PRR16: variants seen among roughly 807,000 people sequenced by gnomAD.
The protein encoded by PRR16 is proline rich 16, also known as protein Largen.
Under a neutral mutation model 18.2 loss-of-function variants are expected in PRR16, and 6 were observed. The observed-to-expected ratio is 0.33, with a 90% CI of 0.18 to 0.65. The LOEUF (loss-of-function observed/expected upper bound fraction) is 0.65, where lower values mean the gene tolerates loss of function less well. Among genes scored for constraint, PRR16 ranks in the 30% least tolerant of loss-of-function variants. PRR16 has a pLI of 0.74. For missense variants in PRR16, 412 were observed against 376.6 expected (o/e 1.09, Z -0.78); for synonymous variants, 151 against 147.8 (o/e 1.02, Z -0.16).
chr5:120,597,201 C>G lies in PRR16; in HGVS notation c.160-88753C>G, dbSNP rs139626333. On this transcript the variant is annotated intron_variant, in intron 1 of 1. Transcript: ENST00000407149. ...TATTTATTGTATTTGAGTACTAGTA[C>G]TTTATAAGGTGTATGCTTTAAAAAT... Among the ~76,000 whole-genome samples, 540 of 151,440 alleles carry G rather than the reference C, an allele frequency of 3.6e-3. 5 individuals carry two copies. The highest frequency in any genetic ancestry group is 0.013 in the African/African-American group (521 of 41,434).
the PRR16 span, among the ~76,000 whole-genome samples, chr5:120,754,324 T>G: frequency 1.7e-5 from 1 of 60,306 alleles, no homozygotes; most frequent in South Asian, 5.1e-4. Flanking sequence ...ATATAAATAT[T>G]ATATGTTATA....
chr5:120,724,195 A>G, the PRR16 span, among the ~76,000 whole-genome samples: 1 of 152,030 alleles, frequency 6.6e-6, no homozygotes, highest in Non-Finnish European at 1.5e-5. Context: ...CTAAAACCCT[A>G]CTGGGAATTG....
At chr5:120,757,914 A>T in the PRR16 span, among the ~76,000 whole-genome samples, 1 of 152,102 alleles carries the variant, frequency 6.6e-6, no homozygotes, top group African/African-American at 2.4e-5. Context: ...TGACAAATGC[A>T]TTGGAGTAAA....
chr5:120,614,734 G>C (rs954373202), intron 1 of PRR16, among the ~76,000 whole-genome samples: 3 of 152,162 alleles, frequency 2.0e-5, no homozygotes, highest in African/African-American at 7.2e-5. Flanking sequence ...ACTGTGCATA[G>C]CCAGACAATC....
chr5:120,506,405 G>A (rs1307080612), intron 1 of PRR16, among the ~76,000 whole-genome samples: 1 of 151,780 alleles, frequency 6.6e-6, no homozygotes, highest in Non-Finnish European at 1.5e-5. Context: ...TAGAGATATG[G>A]CCTGATGTAC....
the PRR16 span, among the ~76,000 whole-genome samples, chr5:120,700,066 A>C: frequency 6.6e-6 from 1 of 151,860 alleles, no homozygotes; most frequent in Non-Finnish European, 1.5e-5. Context: ...TAAAGAAAGC[A>C]TGTTTGAGAC....
At chr5:120,714,437 A>G in the PRR16 span, among the ~76,000 whole-genome samples, 1 of 152,162 alleles carries the variant, frequency 6.6e-6, no homozygotes, top group Admixed American at 6.6e-5. Flanking sequence ...AACCACAATG[A>G]GATACCATCT....
intron 1 of PRR16, among the ~76,000 whole-genome samples, chr5:120,472,373 G>A (rs1749296190): frequency 6.6e-6 from 1 of 152,028 alleles, no homozygotes. Context: ...GAAAAATACT[G>A]GGTTAAACAA....
intron 1 of PRR16, among the ~76,000 whole-genome samples, chr5:120,614,232 T>G (rs1260443173): frequency 6.6e-6 from 1 of 152,202 alleles, no homozygotes; most frequent in Non-Finnish European, 1.5e-5. Context: ...CCTATCATGA[T>G]TCCTCAAAAA....
chr5:120,660,038 C>G (rs1484189778), intron 1 of PRR16, among the ~76,000 whole-genome samples: 1 of 151,992 alleles, frequency 6.6e-6, no homozygotes, highest in Non-Finnish European at 1.5e-5. Context: ...TTAGATTGCT[C>G]CATCCAGATT....
chr5:120,736,537 C>CTTTTTTTTTT, the PRR16 span, among the ~76,000 whole-genome samples: 2 of 54,020 alleles, frequency 3.7e-5, no homozygotes, highest in African/African-American at 7.8e-5. Context: ...AGTGTAAAGG[C>CTTTTTTTTTT]TTTTTTTTTT....
chr5:120,584,344 T>C (rs926277563), intron 1 of PRR16, among the ~76,000 whole-genome samples: 1 of 152,186 alleles, frequency 6.6e-6, no homozygotes, highest in African/African-American at 2.4e-5. Flanking sequence ...TTATAAGCCT[T>C]ATGAGTTGGA....
intron 1 of PRR16, among the ~76,000 whole-genome samples, chr5:120,649,988 G>A (rs1003287449): frequency 1.7e-4 from 26 of 151,904 alleles, no homozygotes; most frequent in African/African-American, 5.8e-4. Context: ...GGGAGGCCTA[G>A]GTGGGCAGAT....
chr5:120,482,001 T>G, intron 1 of PRR16, among the ~76,000 whole-genome samples: 1 of 152,144 alleles, frequency 6.6e-6, no homozygotes, highest in East Asian at 1.9e-4. Context: ...AAATTTAGCA[T>G]GGGAGCAGAA....
intron 1 of PRR16, among the ~76,000 whole-genome samples, chr5:120,516,222 G>A (rs111700148): frequency 1.3e-5 from 2 of 151,828 alleles, no homozygotes; most frequent in East Asian, 1.9e-4. Context: ...TCAGGAGTTC[G>A]AGACCAGCCT....
chr5:120,660,031 G>C (rs1256140806), intron 1 of PRR16, among the ~76,000 whole-genome samples: 2 of 152,056 alleles, frequency 1.3e-5, no homozygotes, highest in Admixed American at 6.6e-5. Flanking sequence ...TCATGGCTTA[G>C]ATTGCTCCAT....
At chr5:120,736,537 CTTTTTTTTTTTTTTTTT>C in the PRR16 span, among the ~76,000 whole-genome samples, 2 of 54,022 alleles carry the variant, frequency 3.7e-5, no homozygotes, top group African/African-American at 1.6e-4. Flanking sequence ...AGTGTAAAGG[CTTTTTTTTTTTTTTTTT>C]TTTTTTTTTG....
At chr5:120,754,483 A>ATATATAC in the PRR16 span, among the ~76,000 whole-genome samples, 1 of 73,804 alleles carries the variant, frequency 1.4e-5, no homozygotes. Context: ...ATATTATATA[A>ATATATAC]TATATAGTAT....
chr5:120,789,359 A>ATCAT, the PRR16 span, among the ~76,000 whole-genome samples: 1 of 152,152 alleles, frequency 6.6e-6, no homozygotes, highest in African/African-American at 2.4e-5. Flanking sequence ...TTTCCAAAAA[A>ATCAT]TCATTAATTA....
Sources: gnomAD v4.1 joint callset for allele counts (sites outside exome capture counted in the v4.1 genomes callset) on GRCh38, gnomAD v4.1.1 for gene constraint, MANE v1.5 for transcripts, NCBI Gene and HGNC (gene_info 2026-07-23, HGNC 2026-07-21) for gene names.